The following CADM2 variants were observed in gnomAD, a reference collection of about 807,000 sequenced individuals.
CADM2 encodes immunoglobulin superfamily member 4D.
In CADM2, 12 loss-of-function variants were observed where a neutral mutation model predicts 49.8. The ratio of observed to expected loss-of-function variants is 0.24; its 90% CI spans 0.15 to 0.39. The LOEUF is 0.39. Ranked by LOEUF, CADM2 falls within the 10% of genes least tolerant of loss-of-function variation. The pLI is 1.00. For missense variants in CADM2, 378 were observed against 492.3 expected, an observed-to-expected ratio of 0.77 and a Z score of 2.20; for synonymous variants, 214 against 175.4, an observed-to-expected ratio of 1.22 and a Z score of -1.74.
At chr3:85,296,058 A>G (rs553364358) in intron 1 of CADM2, among the ~76,000 whole-genome samples, 24 of 152,192 alleles carry the variant, frequency 1.6e-4, no homozygotes, top group Non-Finnish European at 2.9e-4. Context: ...TATAAATAAT[A>G]AAAGCCACTA....
chr3:85,430,454 G>T (rs892831476), intron 1 of CADM2, among the ~76,000 whole-genome samples: 3 of 151,952 alleles, frequency 2.0e-5, no homozygotes, highest in Admixed American at 6.6e-5. Flanking sequence ...ATAGTTAGAG[G>T]TTACAGTGAT....
At chr3:85,670,367 A>G (rs2065700701) in intron 1 of CADM2, among the ~76,000 whole-genome samples, 1 of 152,070 alleles carries the variant, frequency 6.6e-6, no homozygotes, top group South Asian at 2.1e-4. Context: ...TATGCCTTAA[A>G]TTTTCTTGTT....
chr3:85,602,703 C>A (rs2063442937), intron 1 of CADM2, among the ~76,000 whole-genome samples: 2 of 151,666 alleles, frequency 1.3e-5, no homozygotes, highest in African/African-American at 4.8e-5. Context: ...CTGCAAAATA[C>A]TTTGGTGAAA....
chr3:86,045,998 C>A (rs1378831121), intron 8 of CADM2, among the ~76,000 whole-genome samples: 1 of 152,068 alleles, frequency 6.6e-6, no homozygotes, highest in Non-Finnish European at 1.5e-5. Context: ...TTCTTTCCAG[C>A]CTCATTTTCT....
Position 85,060,031 on chromosome 3 carries a change from G to A in CADM2, c.61+100363G>A, listed in dbSNP as rs143264605. 4.5e-3 allele frequency among the ~76,000 whole-genome samples: 687 copies of A among 152,208 alleles called. 5 individuals are homozygous for A. Among genetic ancestry groups the A allele is most frequent in the African/African-American group, 0.016 (662 of 41,540 alleles). On this transcript the variant is annotated intron_variant, in intron 1 of 9. Transcript: ENST00000383699. ...CCCTACTTTAATTTCAGTAATTCTC[G>A]ATTTCAGTCTTTCTGATCTGATTTC...
At position 85,623,507 on chromosome 3, in the gene CADM2, A is replaced by G. The variant is rs535760177; in HGVS notation, c.62-103015A>G. On this transcript the variant is annotated intron_variant, in intron 1 of 9. Coordinates refer to ENST00000383699, the MANE Select transcript of CADM2 (RefSeq NM_001167675.2). ...TGCAGATTGTAGGAGCCCAAATGTA[A>G]TGATGGAGGCAAACAACGTAAGTGT... Among the ~76,000 whole-genome samples the G allele has an allele frequency of 1.6e-4, 24 of 152,252 alleles. No individual in the cohort carries two copies. The South Asian group carries it at 5.0e-3, about 32-fold the overall frequency.
intron 8 of CADM2, among the ~76,000 whole-genome samples, chr3:85,995,173 TCTTTA>T (rs1287052862): frequency 2.6e-5 from 4 of 152,132 alleles, no homozygotes; most frequent in Admixed American, 6.5e-5. Flanking sequence ...GTACTTTGCC[TCTTTA>T]CTTAATGGAA....
chr3:85,999,516 GA>G (rs1015674273), intron 8 of CADM2, among the ~76,000 whole-genome samples: 9 of 124,706 alleles, frequency 7.2e-5, no homozygotes, highest in African/African-American at 2.7e-4. Context: ...AAAAAGAAAA[GA>G]AAAAGAAAGA....
intron 1 of CADM2, among the ~76,000 whole-genome samples, chr3:85,424,195 G>A (rs2107504710): frequency 6.6e-6 from 1 of 152,044 alleles, no homozygotes; most frequent in South Asian, 2.1e-4. Context: ...CATTTAAAAT[G>A]TTACACATCA....
At chr3:86,008,489 T>C (rs975378390) in intron 8 of CADM2, among the ~76,000 whole-genome samples, 1 of 152,048 alleles carries the variant, frequency 6.6e-6, no homozygotes, top group African/African-American at 2.4e-5. Flanking sequence ...CATTTTATTT[T>C]GTTTATTTGC....
intron 1 of CADM2, among the ~76,000 whole-genome samples, chr3:85,708,715 T>G (rs2067023481): frequency 6.6e-6 from 1 of 152,178 alleles, no homozygotes; most frequent in African/African-American, 2.4e-5. Context: ...CAGTTTTGGC[T>G]TTTATTTAAC....
intron 1 of CADM2, among the ~76,000 whole-genome samples, chr3:84,999,208 C>T (rs1237201785): frequency 1.3e-5 from 2 of 152,070 alleles, no homozygotes; most frequent in Non-Finnish European, 2.9e-5. Context: ...TCTATAAAGT[C>T]TCTGGAACAC....
intron 2 of CADM2, among the ~76,000 whole-genome samples, chr3:85,768,499 T>C (rs1166470977): frequency 1.3e-4 from 2 of 15,398 alleles, no homozygotes; most frequent in African/African-American, 2.4e-3. Context: ...TTTAAAATAC[T>C]TTTTTTTTTA....
At chr3:85,155,507 C>T (rs2040079395) in intron 1 of CADM2, among the ~76,000 whole-genome samples, 1 of 152,010 alleles carries the variant, frequency 6.6e-6, no homozygotes, top group African/African-American at 2.4e-5. Context: ...TTTAACACCC[C>T]ACTGTCAACA....
At chr3:86,006,864 A>C (rs1445747208) in intron 8 of CADM2, among the ~76,000 whole-genome samples, 2 of 151,900 alleles carry the variant, frequency 1.3e-5, no homozygotes, top group African/African-American at 2.4e-5. Context: ...AACATGGTGA[A>C]ACCCCATCTC....
At chr3:85,530,321 C>CTTTTTTT (rs2061270952) in intron 1 of CADM2, among the ~76,000 whole-genome samples, 1 of 119,058 alleles carries the variant, frequency 8.4e-6, no homozygotes. Flanking sequence ...TTCTTTTCTC[C>CTTTTTTT]GTTTTTTTTT....
intron 1 of CADM2, among the ~76,000 whole-genome samples, chr3:85,713,861 C>G (rs917364790): frequency 6.6e-6 from 1 of 152,106 alleles, no homozygotes; most frequent in African/African-American, 2.4e-5. Context: ...ACCTTAGTCC[C>G]TTTAGTGTGG....
intron 1 of CADM2, among the ~76,000 whole-genome samples, chr3:85,117,309 T>A (rs1041315750): frequency 6.6e-6 from 1 of 152,068 alleles, no homozygotes; most frequent in Non-Finnish European, 1.5e-5. Context: ...TTGAAAATAG[T>A]AAAGGATGCT....
chr3:85,403,972 A>G (rs2035248441), intron 1 of CADM2, among the ~76,000 whole-genome samples: 2 of 152,150 alleles, frequency 1.3e-5, no homozygotes, highest in African/African-American at 2.4e-5. Context: ...ACTGGCTTGT[A>G]CCAGTTGAGA....
Sources: allele counts gnomAD v4.1 joint callset (sites outside exome capture counted in the v4.1 genomes callset), GRCh38; gene constraint gnomAD v4.1.1; transcripts MANE v1.5; gene names NCBI Gene and HGNC (gene_info 2026-07-23, HGNC 2026-07-21).